The following DCAF6 variants were observed in gnomAD, a reference collection of about 807,000 sequenced individuals.
DCAF6 encodes the protein DDB1 and CUL4 associated factor 6.
DCAF6 carries 54 observed loss-of-function variants against 125.1 expected under a neutral mutation model. The ratio of observed to expected loss-of-function variants is 0.43; its 90% confidence interval spans 0.35 to 0.54. The LOEUF is 0.54. DCAF6 is among the 20% of genes least tolerant of loss of function. DCAF6 has a pLI of 0.01. For synonymous variants in DCAF6, 371 were observed against 390.4 expected (o/e 0.95, Z 0.58); for missense variants, 934 against 1,161.7 (o/e 0.80, Z 2.85).
intron 13 of DCAF6, among the ~76,000 whole-genome samples, chr1:168,040,705 C>T (rs1688414079): frequency 6.7e-6 from 1 of 148,478 alleles, no homozygotes. Flanking sequence ...AGAATCTTAT[C>T]TAAACTTTTT....
chr1:167,987,759 A>G (rs1680217618), intron 5 of DCAF6, 151 bp downstream of exon 5: 3 of 529,980 alleles, frequency 5.7e-6, no homozygotes, highest in Non-Finnish European at 6.7e-6. Context: ...TTGTTTTGCT[A>G]AAATATTTAA....
At chr1:167,975,059 T>TA in intron 4 of DCAF6, 44 bp downstream of exon 4, 1 of 1,323,426 alleles carries the variant, frequency 7.6e-7, no homozygotes, top group African/African-American at 1.5e-5. Context: ...TAAGTATGTA[T>TA]ATTTTTGATT....
At chr1:168,009,273 C>T (rs977204736) in intron 10 of DCAF6, among the ~76,000 whole-genome samples, 10 of 151,954 alleles carry the variant, frequency 6.6e-5, no homozygotes, top group Admixed American at 4.6e-4. Context: ...GCTGGGATTA[C>T]AGGCGTGAGC....
intron 13 of DCAF6, among the ~76,000 whole-genome samples, chr1:168,040,874 T>A (rs1341235369): frequency 6.8e-6 from 1 of 146,812 alleles, no homozygotes; most frequent in Non-Finnish European, 1.5e-5. Context: ...ATGCAAGTAT[T>A]CAACATTCAT....
chr1:168,038,624 A>G, intron 13 of DCAF6, 136 bp downstream of exon 13: 2 of 571,726 alleles, frequency 3.5e-6, no homozygotes, highest in Non-Finnish European at 6.0e-6. Context: ...GTGCTTCAGA[A>G]TCACTGGGAG....
At chr1:167,869,331 G>A in the DCAF6 span, among the ~76,000 whole-genome samples, 1 of 152,136 alleles carries the variant, frequency 6.6e-6, no homozygotes, top group East Asian at 1.9e-4. Flanking sequence ...TGTACTATAT[G>A]AATCACTATC....
chr1:167,877,170 T>C, the DCAF6 span, among the ~76,000 whole-genome samples: 1 of 151,424 alleles, frequency 6.6e-6, no homozygotes, highest in Non-Finnish European at 1.5e-5. Flanking sequence ...GATATGGCCA[T>C]AGACAAGTCA....
intron 6 of DCAF6, among the ~76,000 whole-genome samples, chr1:167,991,703 C>T (rs898296283): frequency 6.6e-6 from 1 of 152,128 alleles, no homozygotes; most frequent in African/African-American, 2.4e-5. Flanking sequence ...GATGCCTTCT[C>T]CCCTAGCTCA....
At chr1:167,884,291 C>T in the DCAF6 span, among the ~76,000 whole-genome samples, 16 of 151,986 alleles carry the variant, frequency 1.1e-4, no homozygotes, top group South Asian at 1.2e-3. Flanking sequence ...TGGCAGAAGA[C>T]GAAGGAGAAG....
chr1:167,938,085 C>T (rs977448028), intron 1 of DCAF6, among the ~76,000 whole-genome samples: 1 of 152,112 alleles, frequency 6.6e-6, no homozygotes, highest in Non-Finnish European at 1.5e-5. Flanking sequence ...AAGTAAAATA[C>T]GAATACATTT....
chr1:168,066,815 A>C (rs1692402706), intron 20 of DCAF6, among the ~76,000 whole-genome samples: 1 of 152,176 alleles, frequency 6.6e-6, no homozygotes. Context: ...GTTTCTCCAA[A>C]AGCCTAGCAA....
chr1:168,046,531 T>C (rs550832699), intron 16 of DCAF6, among the ~76,000 whole-genome samples: 10 of 152,168 alleles, frequency 6.6e-5, no homozygotes, highest in Admixed American at 3.9e-4. Flanking sequence ...TTTGTAGATA[T>C]GAAGCAAGAA....
the DCAF6 span, among the ~76,000 whole-genome samples, chr1:167,911,408 G>A: frequency 6.6e-6 from 1 of 152,222 alleles, no homozygotes; most frequent in African/African-American, 2.4e-5. Context: ...GCCCTGGCAT[G>A]CTTATACTGG....
At chr1:167,879,969 C>G in the DCAF6 span, 25 of 726,826 alleles carry the variant, frequency 3.4e-5, no homozygotes, top group South Asian at 3.8e-4. Flanking sequence ...ATTGAGGGCT[C>G]CATGGCTTGG....
intron 17 of DCAF6, chr1:168,056,129 ATCTT>A (rs1478074572): frequency 6.3e-7 from 1 of 1,595,298 alleles, no homozygotes; most frequent in Middle Eastern, 1.7e-4. Context: ...CACCAAACTC[ATCTT>A]GTTTGTTCAA....
the DCAF6 span, among the ~76,000 whole-genome samples, chr1:167,918,918 T>A: frequency 2.0e-5 from 3 of 152,090 alleles, no homozygotes; most frequent in African/African-American, 7.2e-5. Context: ...ACAGCTTAGC[T>A]GACATATAGT....
chr1:167,908,686 C>T, the DCAF6 span, among the ~76,000 whole-genome samples: 8 of 151,996 alleles, frequency 5.3e-5, no homozygotes, highest in Non-Finnish European at 1.0e-4. Flanking sequence ...TCATTTTTGC[C>T]TTAATAAAGC....
At chr1:167,937,585 C>CTTCAGTTCGTTT (rs1339985560) in intron 1 of DCAF6, among the ~76,000 whole-genome samples, 1 of 152,168 alleles carries the variant, frequency 6.6e-6, no homozygotes, top group Admixed American at 6.5e-5. Flanking sequence ...CCACTCTGCT[C>CTTCAGTTCGTTT]TTCAGTTCGT....
the DCAF6 span, among the ~76,000 whole-genome samples, chr1:167,911,664 G>A: frequency 3.9e-5 from 6 of 152,264 alleles, no homozygotes; most frequent in East Asian, 1.9e-4. Flanking sequence ...GTGTACTCTC[G>A]TGGCAAAACT....
Sources: gnomAD v4.1 joint callset for allele counts (sites outside exome capture counted in the v4.1 genomes callset) on GRCh38, gnomAD v4.1.1 for gene constraint, MANE v1.5 for transcripts, NCBI Gene and HGNC (gene_info 2026-07-23, HGNC 2026-07-21) for gene names.